GSTO2: variants seen among roughly 807,000 people sequenced by gnomAD.
The protein encoded by GSTO2 is glutathione S-transferase omega 2, also known as glutathione S-transferase omega-2.
In GSTO2, 23 loss-of-function variants were observed where a neutral mutation model predicts 28.4. The ratio of observed to expected loss-of-function variants is 0.81; its 90% CI spans 0.58 to 1.15. GSTO2 has a LOEUF of 1.15. GSTO2 is among the 50% of genes most tolerant of loss of function. The probability of loss-of-function intolerance (pLI) is 0.00; values close to 1 mark genes in which losing one functional copy is unlikely to be tolerated. For missense variants in GSTO2, 298 were observed against 297.8 expected, an observed-to-expected ratio of 1.00 and a Z score of 0.00; for synonymous variants, 109 against 111.0, an observed-to-expected ratio of 0.98 and a Z score of 0.11.
chr10:104,272,585 G>T, intron 1 of GSTO2, among the ~76,000 whole-genome samples: 1 of 73,400 alleles, frequency 1.4e-5, no homozygotes. Context: ...ACAGTTATGG[G>T]ACTTTTTTTT....
intron 1 of GSTO2, among the ~76,000 whole-genome samples, chr10:104,273,919 CATG>C (rs1286887690): frequency 1.3e-5 from 2 of 152,216 alleles, no homozygotes; most frequent in Non-Finnish European, 2.9e-5. Context: ...TTCTTTCCTT[CATG>C]ATCTGTTAAT....
In GSTO2 at chr10:104,269,284, C is replaced by G. The variant is rs1447687330; in HGVS notation, c.-232+15C>G. 1 of 152,222 alleles carries G rather than the reference C, an allele frequency of 6.6e-6. No homozygotes were observed. Among genetic ancestry groups the G allele is most frequent in the East Asian group, 1.9e-4 (1 of 5,186 alleles). The allele number at this position is 152,222 out of a possible 1,614,324, so 9.4% of individuals were successfully genotyped here. ...CACCGCCACCGGTGGGTCCGTTCGGCCTGCGTTGTATTGGAAGGGAAGAGG... is the reference window on the plus strand; with the variant it reads ...CACCGCCACCGGTGGGTCCGTTCGGGCTGCGTTGTATTGGAAGGGAAGAGG... On this transcript the variant is annotated intron_variant, in intron 1 of 6. Coordinates refer to ENST00000338595, the MANE Select transcript of GSTO2 (RefSeq NM_183239.2).
At chr10:104,274,470 A>C (rs1362365603) in intron 1 of GSTO2, among the ~76,000 whole-genome samples, 2 of 152,134 alleles carry the variant, frequency 1.3e-5, no homozygotes, top group Non-Finnish European at 2.9e-5. Context: ...AAGAGTGGCC[A>C]GTTTAGTGAT....
At chr10:104,272,904 A>G (rs757955843) in intron 1 of GSTO2, among the ~76,000 whole-genome samples, 7 of 151,946 alleles carry the variant, frequency 4.6e-5, no homozygotes, top group Admixed American at 3.9e-4. Flanking sequence ...GAGCCACCGC[A>G]CCCGGCCCAG....
chr10:104,283,210 G>A (rs1205444351), intron 5 of GSTO2, among the ~76,000 whole-genome samples: 6 of 152,172 alleles, frequency 3.9e-5, no homozygotes, highest in African/African-American at 1.4e-4. Context: ...CTCTATATAG[G>A]TAGCTTTCAC....
chr10:104,299,366 C>A lies in GSTO2; in HGVS notation c.*82C>A. 6.9e-7 allele frequency: 1 copy of A among 1,449,386 alleles called. No individual in the cohort carries two copies. The highest frequency in any genetic ancestry group is 1.2e-5 in the South Asian group (1 of 80,446). 89.8% of individuals were successfully genotyped at this position (1,449,386 alleles called of 1,614,324 possible). Reference sequence around the variant, plus strand: ...TCACGGCTTGTCTTGGGAACCAATCCGTCTCTCTTTCTTTTCTTTGAAGTT... The same window carrying A: ...TCACGGCTTGTCTTGGGAACCAATCAGTCTCTCTTTCTTTTCTTTGAAGTT... On this transcript the variant is annotated 3_prime_UTR_variant, in exon 7 of 7. Coordinates refer to ENST00000338595, the MANE Select transcript of GSTO2 (RefSeq NM_183239.2).
intron 1 of GSTO2, among the ~76,000 whole-genome samples, chr10:104,272,987 T>A (rs746671166): frequency 2.1e-4 from 32 of 152,222 alleles, no homozygotes; most frequent in Non-Finnish European, 4.1e-4. Flanking sequence ...AATAATTTAT[T>A]TTGATTTTGA....
Position 104,299,108 on chromosome 10 carries a change from G to A in GSTO2, c.576-20G>A, listed in dbSNP as rs769447178. On this transcript the variant is annotated intron_variant, in intron 6 of 6. Coordinates refer to ENST00000338595, the MANE Select transcript of GSTO2 (RefSeq NM_183239.2). ...ATGCCTACCCCTGCACTGTGCTGAC[G>A]CTTCTTTCCTGTCTTGCAGCTGTGT... 19 of 1,608,462 alleles carry A rather than the reference G, an allele frequency of 1.2e-5. No individual in the cohort carries two copies. Among genetic ancestry groups the A allele is most frequent in the South Asian group, 8.8e-5 (8 of 90,754 alleles).
intron 5 of GSTO2, among the ~76,000 whole-genome samples, chr10:104,284,290 G>A (rs2012277216): frequency 3.3e-5 from 5 of 151,806 alleles, no homozygotes; most frequent in Admixed American, 3.3e-4. Flanking sequence ...AGTCCAGGAG[G>A]TCAAGGCTGC....
chr10:104,275,793 G>T (rs1044028494), intron 3 of GSTO2, among the ~76,000 whole-genome samples: 1 of 152,100 alleles, frequency 6.6e-6, no homozygotes, highest in South Asian at 2.1e-4. Flanking sequence ...GTGCGTTCTC[G>T]AGGGTAGGAA....
At chr10:104,298,638 G>C (rs1351803947) in intron 6 of GSTO2, among the ~76,000 whole-genome samples, 1 of 152,136 alleles carries the variant, frequency 6.6e-6, no homozygotes, top group Non-Finnish European at 1.5e-5. Context: ...CTTTGAAAGA[G>C]CCCTGTCGGC....
intron 5 of GSTO2, among the ~76,000 whole-genome samples, chr10:104,281,111 G>A (rs2012012005): frequency 1.3e-5 from 2 of 152,194 alleles, no homozygotes; most frequent in Admixed American, 1.3e-4. Context: ...TTTGAAATGT[G>A]TGTTCCTCAG....
At chr10:104,283,655 C>T (rs955526743) in intron 5 of GSTO2, among the ~76,000 whole-genome samples, 1 of 152,090 alleles carries the variant, frequency 6.6e-6, no homozygotes, top group Non-Finnish European at 1.5e-5. Flanking sequence ...ATTATAACTA[C>T]AATGTAGGAA....
intron 5 of GSTO2, among the ~76,000 whole-genome samples, chr10:104,289,780 T>C (rs557952449): frequency 1.3e-5 from 2 of 152,154 alleles, no homozygotes; most frequent in Non-Finnish European, 2.9e-5. Flanking sequence ...AAGACTTGAA[T>C]AGACATTTCT....
At chr10:104,274,173 G>A (rs901633931) in intron 1 of GSTO2, among the ~76,000 whole-genome samples, 1 of 152,182 alleles carries the variant, frequency 6.6e-6, no homozygotes, top group Non-Finnish European at 1.5e-5. Context: ...GGGAACGGGG[G>A]AAGCTCACAA....
intron 1 of GSTO2, among the ~76,000 whole-genome samples, chr10:104,270,992 A>G (rs1373940819): frequency 6.6e-6 from 1 of 152,222 alleles, no homozygotes; most frequent in Admixed American, 6.5e-5. Flanking sequence ...ATGGATTTGG[A>G]GTAGGTTTAA....
intron 5 of GSTO2, among the ~76,000 whole-genome samples, chr10:104,285,004 C>A (rs1300307526): frequency 6.6e-6 from 1 of 152,140 alleles, no homozygotes; most frequent in African/African-American, 2.4e-5. Flanking sequence ...CATGGCCCAG[C>A]AACTGAAGCC....
chr10:104,272,586 ACTTTTTTTT>A (rs2011458456), intron 1 of GSTO2, among the ~76,000 whole-genome samples: 1 of 56,900 alleles, frequency 1.8e-5, no homozygotes. Context: ...CAGTTATGGG[ACTTTTTTTT>A]TTTTTTTTTT....
intron 5 of GSTO2, among the ~76,000 whole-genome samples, chr10:104,284,942 G>C (rs2012326139): frequency 6.6e-6 from 1 of 152,180 alleles, no homozygotes; most frequent in Non-Finnish European, 1.5e-5. Flanking sequence ...CCATAAAAGA[G>C]AGCGGGGAGG....
Sources: allele counts gnomAD v4.1 joint callset (sites outside exome capture counted in the v4.1 genomes callset), GRCh38; gene constraint gnomAD v4.1.1; transcripts MANE v1.5; gene names NCBI Gene and HGNC (gene_info 2026-07-23, HGNC 2026-07-21).